The following EML5 variants were observed in gnomAD, a reference collection of about 807,000 sequenced individuals.
EML5 encodes echinoderm microtubule-associated protein-like 5.
In EML5, 120 loss-of-function variants were observed where a neutral mutation model predicts 250.0. That is an observed-to-expected ratio of 0.48 (90% confidence interval 0.41 to 0.56). The LOEUF is 0.56. Ranked by LOEUF, EML5 falls within the 20% of genes least tolerant of loss-of-function variation. EML5 has a pLI of 0.00. For missense variants in EML5, 2,006 were observed against 2,437.6 expected, an observed-to-expected ratio of 0.82 and a Z score of 3.73; for synonymous variants, 771 against 806.5, an observed-to-expected ratio of 0.96 and a Z score of 0.75.
At chr14:88,674,829 C>T (rs1042729490) in intron 21 of EML5, among the ~76,000 whole-genome samples, 3 of 152,158 alleles carry the variant, frequency 2.0e-5, no homozygotes, top group Admixed American at 1.3e-4. Context: ...AATGGGGGTA[C>T]AGGCATTGGA....
intron 14 of EML5, among the ~76,000 whole-genome samples, chr14:88,697,626 ACT>A (rs1243348466): frequency 2.0e-5 from 3 of 152,218 alleles, no homozygotes; most frequent in African/African-American, 7.2e-5. Flanking sequence ...TCAAGTAATC[ACT>A]TTCTTTAACC....
chr14:88,688,456 T>C lies in EML5; in HGVS notation c.2557A>G (p.Arg853Gly). 1 of 1,613,944 alleles carries C rather than the reference T, an allele frequency of 6.2e-7. No homozygotes were observed. The highest frequency in any genetic ancestry group is 8.5e-7 in the Non-Finnish European group (1 of 1,179,896). The change falls in exon 18 of 44, where the codon AGA (arginine) becomes GGA (glycine). Residue 853 changes from arginine to glycine, a missense_variant. Physicochemically the swap from Arg to Gly is moderately radical, Grantham distance 125. This residue lies in a region of EML5 where 1,375 missense variants were observed against 1,590.3 expected (regional missense o/e 0.86). Coordinates refer to ENST00000554922, the MANE Select transcript of EML5 (RefSeq NM_183387.3). ...WRKAGGGLIGRKGYIGTLGKN... is the reference protein window; with the variant it reads ...WRKAGGGLIGGKGYIGTLGKN... ...CCCAGTGTGCCTATGTAGCCTTTTCTTCCAATCAATCCTCCCCCTAGTTCA... is the reference window on the plus strand; with the variant it reads ...CCCAGTGTGCCTATGTAGCCTTTTCCTCCAATCAATCCTCCCCCTAGTTCA...
At chr14:88,723,099 T>C (rs2093615505) in intron 8 of EML5, among the ~76,000 whole-genome samples, 1 of 151,934 alleles carries the variant, frequency 6.6e-6, no homozygotes, top group South Asian at 2.1e-4. Context: ...AAAAAAGAGA[T>C]ATACTATTCA....
At chr14:88,736,093 T>C (rs577897811) in intron 7 of EML5, among the ~76,000 whole-genome samples, 1 of 151,166 alleles carries the variant, frequency 6.6e-6, no homozygotes, top group South Asian at 2.1e-4. Flanking sequence ...CTTCGCCTCC[T>C]GGGTTCAAGC....
intron 32 of EML5, among the ~76,000 whole-genome samples, chr14:88,637,172 TCTTCC>T (rs768987959): frequency 5.9e-5 from 9 of 152,208 alleles, no homozygotes; most frequent in Non-Finnish European, 1.3e-4. Context: ...TATTCTTTAG[TCTTCC>T]CTTGAGTCTA....
At position 88,789,555 on chromosome 14, in the gene EML5, C is replaced by T. The variant is rs574319486; in HGVS notation, c.197+2752G>A. Among the ~76,000 whole-genome samples, 18 of 83,632 alleles carry T rather than the reference C, an allele frequency of 2.2e-4. No homozygotes were observed. In the East Asian group the frequency reaches 5.7e-3, roughly 27 times the overall value. The allele number at this position is 83,632 out of a possible 152,430, so 54.9% of individuals were successfully genotyped here. On this transcript the variant is annotated intron_variant, in intron 1 of 43. Coordinates refer to ENST00000554922, the MANE Select transcript of EML5 (RefSeq NM_183387.3). ...AATGATAGACTAGTCATGATTCAGC[C>T]TTTACTGAGAAAATGATGAAATGTC...
rs541955160 is a variant in EML5, at chr14:88,627,576, T to C, written c.4531+70A>G. The stretch of plus-strand genomic sequence containing the variant: ...TCAACCACCAACTTTAAGACAAATA[T>C]TAAATACAGAATTCCTACTACCTTT... On this transcript the variant is annotated intron_variant, in intron 34 of 43. Coordinates refer to ENST00000554922, the MANE Select transcript of EML5 (RefSeq NM_183387.3). The C allele has an allele frequency of 2.7e-5, 40 of 1,455,478 alleles. No individual in the cohort carries two copies. The East Asian group carries it at 8.8e-4, about 32-fold the overall frequency. 90.2% of individuals were successfully genotyped at this position (1,455,478 alleles called of 1,614,324 possible).
intron 27 of EML5, among the ~76,000 whole-genome samples, chr14:88,651,292 G>A (rs1360210266): frequency 1.3e-5 from 2 of 150,426 alleles, no homozygotes; most frequent in Non-Finnish European, 3.0e-5. Flanking sequence ...AAAGTAAATT[G>A]AGAACAAAAT....
chr14:88,691,677 C>T (rs2092962432), intron 17 of EML5, among the ~76,000 whole-genome samples: 1 of 152,190 alleles, frequency 6.6e-6, no homozygotes, highest in Non-Finnish European at 1.5e-5. Flanking sequence ...CCCATGTTAA[C>T]CTCAAGCCTA....
At chr14:88,669,214 T>G (rs2092391935) in intron 21 of EML5, among the ~76,000 whole-genome samples, 1 of 152,182 alleles carries the variant, frequency 6.6e-6, no homozygotes, top group South Asian at 2.1e-4. Flanking sequence ...ACCAGTTCCT[T>G]GAGTCCCAAG....
intron 1 of EML5, among the ~76,000 whole-genome samples, chr14:88,781,510 T>G (rs1277558034): frequency 1.3e-5 from 2 of 152,238 alleles, no homozygotes; most frequent in Non-Finnish European, 2.9e-5. Context: ...TCACTTCTTT[T>G]GTATATCCTT....
intron 13 of EML5, 79 bp downstream of exon 13, chr14:88,704,781 A>C: frequency 1.0e-6 from 1 of 989,242 alleles, no homozygotes; most frequent in Non-Finnish European, 1.5e-6. Context: ...GGATACAGTC[A>C]GTTCTATCAT....
rs758429917 is a variant in EML5 at position 88,661,676 on chromosome 14, T to C, written c.3653A>G (p.Lys1218Arg). The change falls in exon 25 of 44, where the codon AAG (lysine) becomes AGG (arginine). Residue 1218 changes from lysine (K) to arginine (R), a missense_variant. Lys to Arg is a conservative substitution (Grantham distance 26, BLOSUM62 2). Coordinates refer to ENST00000554922, the MANE Select transcript of EML5 (RefSeq NM_183387.3). The part of the protein sequence containing the change: ...LATGDDLGFV[K>R]LFRYPTKGKF... ...TACTTTAGTAGGATATCTAAATAAC[T>C]TCACAAATCCCAAATCGTCCCCGGT... 6.2e-7 allele frequency: 1 copy of C among 1,612,844 alleles called. No homozygotes were observed. The highest frequency in any genetic ancestry group is 2.2e-5 in the East Asian group (1 of 44,822).
At position 88,625,017 on chromosome 14, in the gene EML5, G is replaced by GTACA; in HGVS notation, c.4847_4850dup (p.Thr1618ValfsTer25). The GTACA allele has an allele frequency of 6.2e-7, 1 of 1,613,734 alleles. No individual in the cohort carries two copies. The highest frequency in any genetic ancestry group is 8.5e-7 in the Non-Finnish European group (1 of 1,179,716). ...CGATAAGTCCATCTCGCAGGGTGGT[G>GTACA]TACATGGCAAACACAGGCCCGTTGT... On this transcript the variant is annotated frameshift_variant, in exon 36 of 44. Coordinates refer to ENST00000554922, the MANE Select transcript of EML5 (RefSeq NM_183387.3). LOFTEE classifies it high-confidence loss of function.
chr14:88,773,825 A>T (rs199895449), intron 1 of EML5, among the ~76,000 whole-genome samples: 1 of 149,218 alleles, frequency 6.7e-6, no homozygotes, highest in African/African-American at 2.5e-5. Flanking sequence ...GTGATAAAAA[A>T]CTTATTACTG....
At chr14:88,736,992 A>G (rs1381746825) in intron 6 of EML5, among the ~76,000 whole-genome samples, 1 of 151,868 alleles carries the variant, frequency 6.6e-6, no homozygotes, top group African/African-American at 2.4e-5. Context: ...GGCAGGGGAG[A>G]CTACCTGACT....
rs113030331 is a variant in EML5 at position 88,638,958 on chromosome 14, C to T, written c.4238-51G>A. ...GTTTGAAAATTTTAAGATGTAACAGCCAAAAGCACTTACCCAGAACAATAA... is the reference window on the plus strand; with the variant it reads ...GTTTGAAAATTTTAAGATGTAACAGTCAAAAGCACTTACCCAGAACAATAA... On this transcript the variant is annotated intron_variant, in intron 31 of 43. Coordinates refer to ENST00000554922, the MANE Select transcript of EML5 (RefSeq NM_183387.3). 21 of 1,366,708 alleles carry T rather than the reference C, an allele frequency of 1.5e-5. 1 individual carries two copies. The Middle Eastern group carries it at 6.5e-4, about 42-fold the overall frequency. 84.7% of individuals were successfully genotyped at this position (1,366,708 alleles called of 1,614,324 possible). A position where few individuals can be genotyped will look rare whatever the true frequency, so the allele number is the denominator to read the frequency against.
rs2091150030 is a variant in EML5 at position 88,642,932 on chromosome 14, G to A, written c.4198C>T (p.His1400Tyr). 1 of 1,606,076 alleles carries A rather than the reference G, an allele frequency of 6.2e-7. No individual in the cohort carries two copies. Among genetic ancestry groups the A allele is most frequent in the African/African-American group, 1.3e-5 (1 of 74,476 alleles). The change falls in exon 31 of 44, where the codon CAC (histidine) becomes TAC (tyrosine). Residue 1400 changes from histidine to tyrosine, a missense_variant. Physicochemically the swap from His to Tyr is moderately conservative, Grantham distance 83 (BLOSUM62 2). Coordinates refer to ENST00000554922, the MANE Select transcript of EML5 (RefSeq NM_183387.3). ...YLNDGDDIIY[H>Y]TASVGILHNV... Reference sequence around the variant, plus strand: ...TGCAGAATTCCAACAGATGCAGTGTGATAAATTATATCATCACCATCATTT... The same window carrying A: ...TGCAGAATTCCAACAGATGCAGTGTAATAAATTATATCATCACCATCATTT...
chr14:88,774,524 T>C (rs1029815362), intron 1 of EML5, among the ~76,000 whole-genome samples: 1 of 152,200 alleles, frequency 6.6e-6, no homozygotes, highest in South Asian at 2.1e-4. Flanking sequence ...GGGAGTCTTA[T>C]GATTACAATA....
Sources: allele counts gnomAD v4.1 joint callset (sites outside exome capture counted in the v4.1 genomes callset), GRCh38; gene constraint gnomAD v4.1.1; regional missense constraint gnomAD v4.1.1; transcripts MANE v1.5; gene names NCBI Gene and HGNC (gene_info 2026-07-23, HGNC 2026-07-21).